The following PLEKHG2 variants were observed in gnomAD, a reference collection of about 807,000 sequenced individuals.
PLEKHG2 encodes the protein pleckstrin homology and RhoGEF domain containing G2.
A neutral mutation model predicts 104.4 loss-of-function variants in PLEKHG2; 71 were observed. The ratio of observed to expected loss-of-function variants is 0.68; its 90% confidence interval spans 0.56 to 0.83. The LOEUF (loss-of-function observed/expected upper bound fraction) is 0.83. PLEKHG2 is among the 40% of genes least tolerant of loss of function. PLEKHG2 has a pLI of 0.00. For missense variants in PLEKHG2, 1,730 were observed against 1,809.4 expected (o/e 0.96, Z 0.80); for synonymous variants, 728 against 737.0 (o/e 0.99, Z 0.20).
Position 39,424,630 on chromosome 19 carries a change from AG to A in PLEKHG2, c.3500del (p.Gly1167GlufsTer38), listed in dbSNP as rs2078754689. On this transcript the variant is annotated frameshift_variant, in exon 19 of 19. Coordinates refer to ENST00000425673, the MANE Select transcript of PLEKHG2 (RefSeq NM_022835.3). LOFTEE classifies it low-confidence loss of function (END_TRUNC). ...CAAGCCCTCCCAACTTCACCCAAGC[AG>A]GGAAGCCTCCCAGACATCCAGGGTC... ...WVQALPTSPK[Q>X]GSLPDIQGPA... 2 of 1,614,006 alleles carry A rather than the reference AG, an allele frequency of 1.2e-6. No homozygotes were observed. The highest frequency in any genetic ancestry group is 4.5e-5 in the East Asian group (2 of 44,888).
At position 39,420,859 on chromosome 19, in the gene PLEKHG2, G is replaced by A. The variant is rs746692945; in HGVS notation, c.1399+7G>A. On this transcript the variant is annotated splice_region_variant and intron_variant, in intron 13 of 18. Transcript: ENST00000425673. The stretch of plus-strand genomic sequence containing the variant: ...CCTGGGCGAAGGAACACAGGTAAAG[G>A]CGGTGGATCCCTGAGTCCCAGCCCT... The A allele has an allele frequency of 5.0e-6, 8 of 1,614,132 alleles. 1 individual carries two copies. The South Asian group carries it at 8.8e-5, about 18-fold the overall frequency.
chr19:39,414,013 C>A, intron 1 of PLEKHG2, 52 bp from the exon 2 acceptor site: 2 of 1,283,028 alleles, frequency 1.6e-6, no homozygotes, highest in Non-Finnish European at 2.2e-6. Context: ...TGAGTCTGGG[C>A]GGCGGAGAGG....
Position 39,416,391 on chromosome 19 carries a change from A to G in PLEKHG2, c.523A>G (p.Ile175Val), listed in dbSNP as rs149192528. 28 of 1,611,414 alleles carry G rather than the reference A, an allele frequency of 1.7e-5. No individual in the cohort carries two copies. Among genetic ancestry groups the G allele is most frequent in the East Asian group, 2.2e-5 (1 of 44,752 alleles). ...DLENSSSAGG[I>V]AECFVQRSED... ...GGAGAACAGCAGCAGCGCCGGGGGT[A>G]TTGCCGAGTGCTTCGTGCAGAGGGT... The change falls in exon 5 of 19, where the codon ATT becomes GTT. Residue 175 changes from isoleucine (I) to valine (V), a missense_variant. Physicochemically the swap from Ile to Val is conservative, Grantham distance 29 (BLOSUM62 3). Transcript: ENST00000425673. This position sits in a 1 kb window ranked among gnomAD's most constrained non-coding sequence, Gnocchi z 4.5.
Position 39,422,820 on chromosome 19 carries a change from G to C in PLEKHG2, c.1766G>C (p.Arg589Pro), listed in dbSNP as rs377295123. The C allele has an allele frequency of 2.6e-6, 4 of 1,551,290 alleles. No individual in the cohort carries two copies. Among genetic ancestry groups the C allele is most frequent in the Admixed American group, 1.9e-5 (1 of 52,520 alleles). The change falls in exon 18 of 19, where the codon CGG becomes CCG. Residue 589 changes from arginine to proline, a missense_variant. By Grantham distance (103) the Arg-to-Pro change is moderately radical. Transcript: ENST00000425673. ...ETLTFQALPSRDSSEEEEEEE... is the reference protein window; with the variant it reads ...ETLTFQALPSPDSSEEEEEEE... ...CTCACATTCCAAGCCCTGCCCAGCC[G>C]GGACTCTTCAGAAGAGGAGGAGGAG...
At chr19:39,420,041 G>A (rs866986561) in intron 11 of PLEKHG2, among the ~76,000 whole-genome samples, 42 of 151,390 alleles carry the variant, frequency 2.8e-4, no homozygotes, top group South Asian at 2.5e-3. Flanking sequence ...CAAGAAGAGC[G>A]AAACTCCGTC....
At chr19:39,419,041 T>C (rs1438084177) in intron 11 of PLEKHG2, 38 bp downstream of exon 11, 9 of 1,558,072 alleles carry the variant, frequency 5.8e-6, no homozygotes, top group Non-Finnish European at 7.8e-6. Context: ...CTCTGAGTGC[T>C]GGAGACACCC....
intron 16 of PLEKHG2, 121 bp downstream of exon 16, chr19:39,421,420 TCATG>T: frequency 9.0e-7 from 1 of 1,113,234 alleles, no homozygotes; most frequent in Non-Finnish European, 1.3e-6. Flanking sequence ...ACAGAGTAAC[TCATG>T]CCTGTAATCT....
chr19:39,425,692 T>C lies in PLEKHG2; in HGVS notation c.*398T>C, dbSNP rs1039207524. The stretch of plus-strand genomic sequence containing the variant: ...GTGTGTGTGAACTGCTTGATGCCCA[T>C]CCAGGAAAGCCAAGTTAAGAAGCTT... On this transcript the variant is annotated 3_prime_UTR_variant, in exon 19 of 19. Coordinates refer to ENST00000425673, the MANE Select transcript of PLEKHG2 (RefSeq NM_022835.3). The C allele has an allele frequency of 3.2e-6, 1 of 313,790 alleles. No homozygotes were observed. Among genetic ancestry groups the C allele is most frequent in the Non-Finnish European group, 5.8e-6 (1 of 173,114 alleles). 19.4% of individuals were successfully genotyped at this position (313,790 alleles called of 1,614,324 possible).
At position 39,425,136 on chromosome 19, in the gene PLEKHG2, T is replaced by G; in HGVS notation, c.4003T>G (p.Tyr1335Asp). The part of the protein sequence containing the change: ...PPPPPARRLS[Y>D]ATTVNIHVGG... Reference sequence around the variant, plus strand: ...ACCTCCCCCAGCCAGGCGGCTCAGCTATGCCACGACGGTTAACATCCACGT... The same window carrying G: ...ACCTCCCCCAGCCAGGCGGCTCAGCGATGCCACGACGGTTAACATCCACGT... The change falls in exon 19 of 19, where the codon TAT becomes GAT. Residue 1335 changes from tyrosine (Y) to aspartate (D), a missense_variant. Coordinates refer to ENST00000425673, the MANE Select transcript of PLEKHG2 (RefSeq NM_022835.3). 1 of 1,589,636 alleles carries G rather than the reference T, an allele frequency of 6.3e-7. No individual in the cohort carries two copies. The highest frequency in any genetic ancestry group is 8.6e-7 in the Non-Finnish European group (1 of 1,169,510).
rs1424668016 is a variant in PLEKHG2 at position 39,423,574 on chromosome 19, C to T, written c.2520C>T (p.Ala840=). 3 of 1,536,042 alleles carry T rather than the reference C, an allele frequency of 2.0e-6. No homozygotes were observed. In the East Asian group the frequency reaches 6.8e-5, roughly 35 times the overall value. The stretch of plus-strand genomic sequence containing the variant: ...AGCGGGCGGAGACTCGGGCATCAGC[C>T]AATGCCCCGCGCCGCCGGCCTCGGG... The part of the protein sequence containing the change: ...QMQRAETRAS[A]NAPRRRPRVL... The change falls in exon 18 of 19, where the codon GCC becomes GCT. Residue 840 remains alanine, a synonymous_variant. Transcript: ENST00000425673.
chr19:39,423,664 G>A lies in PLEKHG2; in HGVS notation c.2599+11G>A. ...AGCAGGCAGAGCCAGGTGAGGTCCG[G>A]GTACGTGGTTGGCAGAGGTGGTCCC... On this transcript the variant is annotated intron_variant, in intron 18 of 18. Transcript: ENST00000425673. The A allele has an allele frequency of 6.4e-7, 1 of 1,554,154 alleles. No homozygotes were observed. Among genetic ancestry groups the A allele is most frequent in the Non-Finnish European group, 8.7e-7 (1 of 1,149,148 alleles).
intron 2 of PLEKHG2, 112 bp from the exon 3 acceptor site, chr19:39,414,880 G>C: frequency 7.9e-7 from 1 of 1,268,828 alleles, no homozygotes; most frequent in Non-Finnish European, 1.1e-6. Context: ...GAAGGAGCCT[G>C]TGGGAAAGCT....
At chr19:39,421,729 A>T (rs1454849276) in intron 16 of PLEKHG2, 3 of 210,684 alleles carry the variant, frequency 1.4e-5, no homozygotes, top group Non-Finnish European at 2.9e-5. Flanking sequence ...AAAAAAATTT[A>T]AAAATTGAGC....
rs2078736056 is a variant in PLEKHG2 at position 39,423,624 on chromosome 19, C to G, written c.2570C>G (p.Pro857Arg). 2 of 1,535,322 alleles carry G rather than the reference C, an allele frequency of 1.3e-6. No individual in the cohort carries two copies. The highest frequency in any genetic ancestry group is 1.8e-6 in the Non-Finnish European group (2 of 1,142,650). The change falls in exon 18 of 19, where the codon CCC becomes CGC. Residue 857 changes from proline (P) to arginine (R), a missense_variant. By Grantham distance (103) the Pro-to-Arg change is moderately radical. Coordinates refer to ENST00000425673, the MANE Select transcript of PLEKHG2 (RefSeq NM_022835.3). ...PRVLAQPQPS[P>R]CLPQEQAEPG... is the part of the protein sequence containing the mutation. ...GTTCTGGCCCAACCCCAGCCATCCCCCTGTCTGCCCCAGGAGCAGGCAGAG... is the reference window on the plus strand; with the variant it reads ...GTTCTGGCCCAACCCCAGCCATCCCGCTGTCTGCCCCAGGAGCAGGCAGAG...
Position 39,416,426 on chromosome 19 carries a change from G to C in PLEKHG2, c.546+12G>C, listed in dbSNP as rs758643484. The C allele has an allele frequency of 6.2e-7, 1 of 1,613,286 alleles. No homozygotes were observed. Among genetic ancestry groups the C allele is most frequent in the Admixed American group, 1.7e-5 (1 of 59,980 alleles). ...GCTTCGTGCAGAGGGTGAGTGGAGG[G>C]GTGGGGGGCTCTCGGTCCTGGATGG... On this transcript the variant is annotated intron_variant, in intron 5 of 18. Transcript: ENST00000425673. The surrounding 1 kb of genome is among the most constrained non-coding windows in gnomAD (Gnocchi z 4.5).
chr19:39,424,874 C>T lies in PLEKHG2; in HGVS notation c.3741C>T (p.His1247=), dbSNP rs757870349. The T allele has an allele frequency of 5.0e-6, 8 of 1,614,218 alleles. No homozygotes were observed. In the East Asian group the frequency reaches 1.1e-4, roughly 22 times the overall value. Residue 1247 remains histidine, a synonymous_variant, in exon 19 of 19, where the codon CAC becomes CAT. Coordinates refer to ENST00000425673, the MANE Select transcript of PLEKHG2 (RefSeq NM_022835.3). ...AACCAGGAGGCTCCTTAGCCTCTCA[C>T]GTTGCCAGGTTGGAGTCTTCAGACT... is the stretch of plus-strand genomic sequence containing the variant. ...LSKPGGSLAS[H]VARLESSDLT...
chr19:39,416,464 G>C lies in PLEKHG2; in HGVS notation c.546+50G>C, dbSNP rs747689518. 7.4e-6 allele frequency: 12 copies of C among 1,611,492 alleles called. No individual in the cohort carries two copies. The highest frequency in any genetic ancestry group is 4.0e-5 in the African/African-American group (3 of 74,916). On this transcript the variant is annotated intron_variant, in intron 5 of 18. Coordinates refer to ENST00000425673, the MANE Select transcript of PLEKHG2 (RefSeq NM_022835.3). The surrounding 1 kb of genome is among the most constrained non-coding windows in gnomAD (Gnocchi z 4.5). ...CGGTCCTGGATGGGGCCTTTGTAGAGGGGGGAGAGCAGGCTTGGGCTAGGC... is the reference window on the plus strand; with the variant it reads ...CGGTCCTGGATGGGGCCTTTGTAGACGGGGGAGAGCAGGCTTGGGCTAGGC...
Position 39,415,139 on chromosome 19 carries a change from G to A in PLEKHG2, c.257G>A (p.Arg86His), listed in dbSNP as rs762871440. Residue 86 changes from arginine to histidine, a missense_variant, in exon 3 of 19, where the codon CGC (arginine) becomes CAC (histidine). Arg to His is a conservative substitution (Grantham distance 29). Transcript: ENST00000425673. The surrounding 1 kb of genome is among the most constrained non-coding windows in gnomAD (Gnocchi z 4.6). Reference sequence around the variant, plus strand: ...GAGCCCCTTCCAGGGCCTCCCATCCGCCTACATCTCTCTCCGGTGGGGATC... The same window carrying A: ...GAGCCCCTTCCAGGGCCTCCCATCCACCTACATCTCTCTCCGGTGGGGATC... ...RPEPLPGPPI[R>H]LHLSPVGIPG... The A allele has an allele frequency of 2.1e-5, 33 of 1,600,336 alleles. No homozygotes were observed. Among genetic ancestry groups the A allele is most frequent in the Non-Finnish European group, 2.5e-5 (29 of 1,173,252 alleles).
chr19:39,420,511 A>C (rs2078682168), intron 11 of PLEKHG2, 115 bp from the exon 12 acceptor site: 3 of 1,341,576 alleles, frequency 2.2e-6, no homozygotes, highest in Non-Finnish European at 1.1e-6. Context: ...CGTATAGAGC[A>C]AGATCTAAAA....
Sources: allele counts gnomAD v4.1 joint callset (sites outside exome capture counted in the v4.1 genomes callset), GRCh38; gene constraint gnomAD v4.1.1; non-coding constraint Gnocchi (gnomAD v3.1); transcripts MANE v1.5; gene names NCBI Gene and HGNC (gene_info 2026-07-23, HGNC 2026-07-21).